Variants in UNC13B observed in about 807,000 individuals in gnomAD.
UNC13B encodes the protein unc-13 homolog B, also known as protein unc-13 homolog B.
Under a neutral mutation model 211.0 loss-of-function variants are expected in UNC13B, and 144 were observed. The ratio of observed to expected loss-of-function variants is 0.68; its 90% confidence interval spans 0.60 to 0.78. The LOEUF is 0.78. Among genes scored for constraint, UNC13B ranks in the 30% least tolerant of loss-of-function variants. The pLI, the probability that UNC13B is intolerant of heterozygous loss-of-function variation, is 0.00. For synonymous variants in UNC13B, 709 were observed against 725.8 expected (o/e 0.98, Z 0.37); for missense variants, 1,777 against 2,002.0 (o/e 0.89, Z 2.14).
chr9:35,182,923 C>T (rs576891010), intron 1 of UNC13B, among the ~76,000 whole-genome samples: 1 of 152,130 alleles, frequency 6.6e-6, no homozygotes, highest in Non-Finnish European at 1.5e-5. Context: ...CCCCACATTT[C>T]CCCCTTTTCT....
chr9:35,389,777 G>A (rs1408870639), intron 24 of UNC13B, 69 bp from the exon 25 acceptor site: 26 of 1,550,736 alleles, frequency 1.7e-5, no homozygotes, highest in Non-Finnish European at 2.0e-5. Context: ...AAAGAGGATC[G>A]TTGGAGACAC....
chr9:35,342,083 TG>T, intron 11 of UNC13B: 4 of 985,484 alleles, frequency 4.1e-6, no homozygotes, highest in Non-Finnish European at 4.8e-6. Context: ...TGCAGGGCAT[TG>T]TTTCTGTCAT....
intron 1 of UNC13B, among the ~76,000 whole-genome samples, chr9:35,221,658 G>A (rs530169120): frequency 2.6e-5 from 4 of 152,244 alleles, no homozygotes; most frequent in Non-Finnish European, 5.9e-5. Flanking sequence ...TCAAATCATA[G>A]CACTTGTTTG....
In UNC13B at chr9:35,307,228, A is replaced by G. The variant is rs1587585408; in HGVS notation, c.7824A>G (p.Thr2608=). 2.5e-6 allele frequency: 1 copy of G among 399,002 alleles called. No individual in the cohort carries two copies. The highest frequency in any genetic ancestry group is 2.1e-5 in the African/African-American group (1 of 48,768). 24.7% of individuals were successfully genotyped at this position (399,002 alleles called of 1,614,324 possible). ...TTCTGGAACCTCAACGTTCTGAAAC[A>G]ATTAATACATCTTCTTTCTCGGGTG... ...ENILEPQRSE[T]INTSSFSGDD... The change falls in exon 9 of 40, where the codon ACA becomes ACG. Residue 2608 remains threonine, a synonymous_variant. Coordinates refer to ENST00000635942, the MANE Select transcript of UNC13B (RefSeq NM_001371189.2).
chr9:35,315,343 A>G (rs140263005), intron 11 of UNC13B, among the ~76,000 whole-genome samples: 3 of 152,302 alleles, frequency 2.0e-5, no homozygotes, highest in Admixed American at 1.3e-4. Context: ...AATCATGCTC[A>G]CATATGTGCA....
At chr9:35,195,991 C>CAT (rs951668567) in intron 1 of UNC13B, among the ~76,000 whole-genome samples, 5 of 152,186 alleles carry the variant, frequency 3.3e-5, no homozygotes, top group Admixed American at 6.5e-5. Flanking sequence ...TACATGCATA[C>CAT]ATATATATAC....
At chr9:35,219,713 G>A (rs929332358) in intron 1 of UNC13B, among the ~76,000 whole-genome samples, 1 of 150,694 alleles carries the variant, frequency 6.6e-6, no homozygotes, top group Non-Finnish European at 1.5e-5. Context: ...CCATGTAGTT[G>A]CCACCTTAAT....
chr9:35,379,021 T>A (rs1297547014), intron 17 of UNC13B, among the ~76,000 whole-genome samples: 1 of 152,192 alleles, frequency 6.6e-6, no homozygotes, highest in Non-Finnish European at 1.5e-5. Flanking sequence ...TATTGAAAAA[T>A]GGCAAACTAA....
intron 37 of UNC13B, among the ~76,000 whole-genome samples, chr9:35,402,957 G>A (rs1836421016): frequency 1.3e-5 from 2 of 152,152 alleles, no homozygotes; most frequent in Admixed American, 1.3e-4. Flanking sequence ...TTTGGAAAAT[G>A]TTGCGCCTAA....
chr9:35,399,545 A>C, intron 35 of UNC13B, 97 bp downstream of exon 35: 9 of 1,602,836 alleles, frequency 5.6e-6, no homozygotes, highest in Non-Finnish European at 7.7e-6. Flanking sequence ...TTGGAGACTG[A>C]AGAGGAAAAG....
intron 1 of UNC13B, among the ~76,000 whole-genome samples, chr9:35,194,361 A>G (rs910467696): frequency 1.3e-5 from 2 of 152,198 alleles, no homozygotes; most frequent in Admixed American, 6.5e-5. Flanking sequence ...CCAACACCCC[A>G]TCAGGTGGTC....
At chr9:35,336,285 C>G (rs1033012971) in intron 11 of UNC13B, among the ~76,000 whole-genome samples, 22 of 151,914 alleles carry the variant, frequency 1.4e-4, no homozygotes, top group African/African-American at 5.1e-4. Flanking sequence ...TCCTCCACTT[C>G]CTCTTCTATA....
At chr9:35,401,511 G>C (rs779124207) in intron 37 of UNC13B, among the ~76,000 whole-genome samples, 1 of 152,184 alleles carries the variant, frequency 6.6e-6, no homozygotes, top group Non-Finnish European at 1.5e-5. Flanking sequence ...CTTTTTAGAA[G>C]CATTGAGCTT....
intron 7 of UNC13B, among the ~76,000 whole-genome samples, chr9:35,270,310 A>G (rs1290620408): frequency 6.7e-6 from 1 of 149,230 alleles, no homozygotes; most frequent in Non-Finnish European, 1.5e-5. Context: ...GTCTCCTTTC[A>G]TATATTCTCT....
chr9:35,202,969 T>C (rs1173029112), intron 1 of UNC13B, among the ~76,000 whole-genome samples: 1 of 152,004 alleles, frequency 6.6e-6, no homozygotes, highest in Non-Finnish European at 1.5e-5. Context: ...ATTTTTTGTA[T>C]TTTTAGTAGA....
At position 35,342,259 on chromosome 9, in the gene UNC13B, A is replaced by G. The variant is rs186026908; in HGVS notation, c.9415-24688A>G. 21 of 985,726 alleles carry G rather than the reference A, an allele frequency of 2.1e-5. No homozygotes were observed. In the East Asian group the frequency reaches 2.3e-3, roughly 107 times the overall value. The allele number at this position is 985,726 out of a possible 1,614,324, so 61.1% of individuals were successfully genotyped here. On this transcript the variant is annotated intron_variant, in intron 11 of 39. Transcript: ENST00000635942. ...CCTGGATGGATTTCCTCTTAAAGAC[A>G]GCATTTGCCTTCTAAAACTTGAGAA...
In UNC13B at chr9:35,308,398, C is replaced by T. The variant is rs963665815; in HGVS notation, c.8994C>T (p.Pro2998=). The change falls in exon 9 of 40, where the codon CCC becomes CCT. Residue 2998 remains proline (P), a synonymous_variant. Coordinates refer to ENST00000635942, the MANE Select transcript of UNC13B (RefSeq NM_001371189.2). ...QPVTLNDIKE[P]MTNKSPTSSS... is the part of the protein sequence containing the mutation. The stretch of plus-strand genomic sequence containing the variant: ...TCACTCTGAATGACATCAAGGAGCC[C>T]ATGACCAACAAAAGGCCTGTTCTTA... The T allele has an allele frequency of 5.3e-5, 21 of 398,848 alleles. No homozygotes were observed. In the Admixed American group the frequency reaches 9.2e-4, roughly 18 times the overall value. The allele number at this position is 398,848 out of a possible 1,614,324, so 24.7% of individuals were successfully genotyped here.
intron 1 of UNC13B, among the ~76,000 whole-genome samples, chr9:35,208,320 G>A (rs1823777308): frequency 6.6e-6 from 1 of 152,136 alleles, no homozygotes; most frequent in East Asian, 1.9e-4. Context: ...AACATTCAGT[G>A]ACTCCTTGGA....
chr9:35,178,761 G>A (rs1379641998), intron 1 of UNC13B, among the ~76,000 whole-genome samples: 2 of 151,458 alleles, frequency 1.3e-5, no homozygotes, highest in Non-Finnish European at 2.9e-5. Context: ...TGTGGTGCAC[G>A]CCTGGATTCC....
Sources: gnomAD v4.1 joint callset for allele counts (sites outside exome capture counted in the v4.1 genomes callset) on GRCh38, gnomAD v4.1.1 for gene constraint, MANE v1.5 for transcripts, NCBI Gene and HGNC (gene_info 2026-07-23, HGNC 2026-07-21) for gene names.